The following CDYL2 variants were observed in gnomAD, a reference collection of about 807,000 sequenced individuals.
CDYL2 encodes chromodomain Y like 2.
A neutral mutation model predicts 49.4 loss-of-function variants in CDYL2; 23 were observed. That is an observed-to-expected ratio of 0.47 (90% CI 0.34 to 0.66). CDYL2 has a LOEUF of 0.66. CDYL2 is among the 30% of genes least tolerant of loss of function. The pLI, the probability that CDYL2 is intolerant of heterozygous loss-of-function variation, is 0.01. For missense variants in CDYL2, 678 were observed against 656.4 expected (o/e 1.03, Z -0.36); for synonymous variants, 360 against 268.8 (o/e 1.34, Z -3.32).
chr16:80,754,228 G>A (rs1254816447), intron 1 of CDYL2, among the ~76,000 whole-genome samples: 1 of 152,144 alleles, frequency 6.6e-6, no homozygotes, highest in African/African-American at 2.4e-5. Flanking sequence ...GCCAACCAGT[G>A]ACACATCAGC....
At chr16:80,605,554 T>A (rs148531008) in intron 6 of CDYL2, among the ~76,000 whole-genome samples, 35 of 150,246 alleles carry the variant, frequency 2.3e-4, no homozygotes, top group African/African-American at 8.0e-4. Context: ...ATCACAGCAA[T>A]GAGCAATAAT....
In CDYL2 at chr16:80,600,378, A is replaced by AT. The variant is rs1263012286; in HGVS notation, c.*4009dup. The AT allele has an allele frequency of 6.6e-6, 1 of 152,218 alleles. No homozygotes were observed. The highest frequency in any genetic ancestry group is 2.4e-5 in the African/African-American group (1 of 41,458). The allele number at this position is 152,218 out of a possible 1,614,324, so 9.4% of individuals were successfully genotyped here. A position where few individuals can be genotyped will look rare whatever the true frequency, so the allele number is the denominator to read the frequency against. On this transcript the variant is annotated 3_prime_UTR_variant, in exon 7 of 7. Transcript: ENST00000570137. ...TTTATATTTTGAAAATATATACTGTATTAAAGTCTGTAAGCATTTCAACCA... is the reference window on the plus strand; with the variant it reads ...TTTATATTTTGAAAATATATACTGTATTTAAAGTCTGTAAGCATTTCAACCA...
chr16:80,704,686 G>C (rs1048224226), intron 1 of CDYL2, among the ~76,000 whole-genome samples: 10 of 152,232 alleles, frequency 6.6e-5, no homozygotes, highest in African/African-American at 2.4e-4. Context: ...TGCGGGAGGA[G>C]CTCAGGGAGA....
At chr16:80,740,137 T>C (rs1221903056) in intron 1 of CDYL2, among the ~76,000 whole-genome samples, 1 of 152,218 alleles carries the variant, frequency 6.6e-6, no homozygotes, top group Admixed American at 6.5e-5. Context: ...GACAACCACA[T>C]GGACAAGTTT....
At chr16:80,745,350 A>G (rs113278253) in intron 1 of CDYL2, among the ~76,000 whole-genome samples, 2 of 152,304 alleles carry the variant, frequency 1.3e-5, no homozygotes, top group African/African-American at 4.8e-5. Context: ...CCATGCAAAC[A>G]GGAGCCAAAA....
intron 2 of CDYL2, among the ~76,000 whole-genome samples, chr16:80,671,493 C>A (rs936782741): frequency 3.3e-4 from 50 of 152,320 alleles, no homozygotes; most frequent in African/African-American, 1.1e-3. Context: ...AGCACACCAG[C>A]CCCTGCCCCA....
intron 2 of CDYL2, among the ~76,000 whole-genome samples, chr16:80,650,012 C>G (rs912255612): frequency 2.0e-5 from 3 of 152,070 alleles, no homozygotes; most frequent in Admixed American, 6.6e-5. Context: ...AACTATGAAC[C>G]TACTACAAGA....
At chr16:80,631,416 T>G (rs568183251) in intron 3 of CDYL2, among the ~76,000 whole-genome samples, 2 of 152,310 alleles carry the variant, frequency 1.3e-5, no homozygotes, top group Admixed American at 6.5e-5. Flanking sequence ...TGTTCCCTTC[T>G]CCTGCCATGT....
chr16:80,626,970 G>A (rs1907332931), intron 3 of CDYL2, among the ~76,000 whole-genome samples: 1 of 152,068 alleles, frequency 6.6e-6, no homozygotes. Flanking sequence ...AACAGTAAGA[G>A]GCACGACCAT....
chr16:80,656,768 C>G (rs1000125863), intron 2 of CDYL2, among the ~76,000 whole-genome samples: 1 of 152,036 alleles, frequency 6.6e-6, no homozygotes, highest in Non-Finnish European at 1.5e-5. Flanking sequence ...ATCATCTCTG[C>G]GTATGAGAGG....
rs181733870 is a variant in CDYL2 at position 80,635,823 on chromosome 16, G to C, written c.617-2587C>G. ...ACCTGACTTCAAACTATACTACAAA[G>C]CTACAGTAACCAAAACAGCATGGTA... On this transcript the variant is annotated intron_variant, in intron 2 of 6. Coordinates refer to ENST00000570137, the MANE Select transcript of CDYL2 (RefSeq NM_152342.4). Among the ~76,000 whole-genome samples, 698 of 152,212 alleles carry C rather than the reference G, an allele frequency of 4.6e-3. 11 individuals are homozygous for C. Among genetic ancestry groups the C allele is most frequent in the African/African-American group, 0.016 (651 of 41,514 alleles).
At chr16:80,674,689 T>A (rs113134979) in intron 2 of CDYL2, among the ~76,000 whole-genome samples, 1 of 152,236 alleles carries the variant, frequency 6.6e-6, no homozygotes, top group Non-Finnish European at 1.5e-5. Context: ...TTCTGGACAT[T>A]TGACATAAGT....
chr16:80,664,548 T>G (rs1909180748), intron 2 of CDYL2, among the ~76,000 whole-genome samples: 4 of 152,082 alleles, frequency 2.6e-5, no homozygotes, highest in Non-Finnish European at 5.9e-5. Context: ...ACAGCCTTCG[T>G]CCCCACCACA....
chr16:80,765,616 G>C (rs1017298907), intron 1 of CDYL2, among the ~76,000 whole-genome samples: 8 of 149,232 alleles, frequency 5.4e-5, no homozygotes, highest in African/African-American at 2.0e-4. Flanking sequence ...GTACACAGAT[G>C]TTCACAGCAG....
chr16:80,676,360 G>A (rs990742995), intron 2 of CDYL2, among the ~76,000 whole-genome samples: 1 of 152,220 alleles, frequency 6.6e-6, no homozygotes, highest in African/African-American at 2.4e-5. Flanking sequence ...AAGTGGGTCA[G>A]GAAGAACAGC....
rs1555535900 is a variant in CDYL2, at chr16:80,759,122, A to ATATATGGTT, written c.24+45027_24+45028insAACCATATA. On this transcript the variant is annotated intron_variant, in intron 1 of 6. Coordinates refer to ENST00000570137, the MANE Select transcript of CDYL2 (RefSeq NM_152342.4). Reference sequence around the variant, plus strand: ...ATATACTATATATATATATATATATATATATATATATATATATGGTTTATA... The same window carrying ATATATGGTT: ...ATATACTATATATATATATATATATATATATGGTTTATATATATATATATATGGTTTATA... 2.3e-5 allele frequency among the ~76,000 whole-genome samples: 3 copies of ATATATGGTT among 127,854 alleles called. 1 individual carries two copies. Among genetic ancestry groups the ATATATGGTT allele is most frequent in the African/African-American group, 1.0e-4 (3 of 29,928 alleles). 83.9% of individuals were successfully genotyped at this position (127,854 alleles called of 152,430 possible).
chr16:80,657,727 G>A (rs78914457), intron 2 of CDYL2, among the ~76,000 whole-genome samples: 3,973 of 152,116 alleles, frequency 0.026, 141 homozygotes, highest in African/African-American at 0.072. Flanking sequence ...AGTGTGATGG[G>A]AAGAAATTTG....
chr16:80,632,172 G>C (rs9938384), intron 3 of CDYL2, among the ~76,000 whole-genome samples: 8,489 of 151,864 alleles, frequency 0.056, 723 homozygotes, highest in African/African-American at 0.19. Context: ...GCCAAAAGTC[G>C]AACAAATAGA....
rs892194670 is a variant in CDYL2, at chr16:80,604,171, G to A, written c.*217C>T. 3 of 587,464 alleles carry A rather than the reference G, an allele frequency of 5.1e-6. No homozygotes were observed. The highest frequency in any genetic ancestry group is 4.5e-4 in the Middle Eastern group (1 of 2,234). 36.4% of individuals were successfully genotyped at this position (587,464 alleles called of 1,614,324 possible). ...CAGCCTTGGACAGCTCTCTGGCCAG[G>A]AAGGGCAGGGAGGTGGGGGAGGCCA... On this transcript the variant is annotated 3_prime_UTR_variant, in exon 7 of 7. Coordinates refer to ENST00000570137, the MANE Select transcript of CDYL2 (RefSeq NM_152342.4).
Sources: gnomAD v4.1 joint callset for allele counts (sites outside exome capture counted in the v4.1 genomes callset) on GRCh38, gnomAD v4.1.1 for gene constraint, MANE v1.5 for transcripts, NCBI Gene and HGNC (gene_info 2026-07-23, HGNC 2026-07-21) for gene names.